KCNJ16: variants seen among roughly 807,000 people sequenced by gnomAD.
KCNJ16 encodes inward rectifier potassium channel 16.
Under a neutral mutation model 18.5 loss-of-function variants are expected in KCNJ16, and 15 were observed. The ratio of observed to expected loss-of-function variants is 0.81; its 90% CI spans 0.54 to 1.25. KCNJ16 has a LOEUF of 1.25. Among genes scored for constraint, KCNJ16 ranks in the 50% most tolerant of loss-of-function variants. KCNJ16 has a pLI of 0.00. For synonymous variants in KCNJ16, 174 were observed against 186.5 expected (o/e 0.93, Z 0.55); for missense variants, 523 against 525.7 (o/e 0.99, Z 0.05).
Position 70,135,454 on chromosome 17 carries a change from A to T in KCNJ16, c.*2110A>T, listed in dbSNP as rs182164282. On this transcript the variant is annotated 3_prime_UTR_variant, in exon 4 of 4. Transcript: ENST00000392671. Reference sequence around the variant, plus strand: ...CCCGTGAAATACATTTTGTTGTGCTATGAGCCTCTGTAATCAAATGCTTGT... The same window carrying T: ...CCCGTGAAATACATTTTGTTGTGCTTTGAGCCTCTGTAATCAAATGCTTGT... 3.0e-5 allele frequency: 5 copies of T among 167,168 alleles called. No homozygotes were observed. The East Asian group carries it at 9.6e-4, about 32-fold the overall frequency. 10.4% of individuals were successfully genotyped at this position (167,168 alleles called of 1,614,324 possible). A position where few individuals can be genotyped will look rare whatever the true frequency, so the allele number is the denominator to read the frequency against.
chr17:70,095,870 C>CTTTTTTT (rs147216245), intron 1 of KCNJ16, among the ~76,000 whole-genome samples: 4 of 95,390 alleles, frequency 4.2e-5, no homozygotes, highest in Admixed American at 1.3e-4. Context: ...TTACTTAATC[C>CTTTTTTT]TTTTTTTTTT....
chr17:70,122,787 T>C (rs756511773), intron 2 of KCNJ16, among the ~76,000 whole-genome samples: 1 of 152,188 alleles, frequency 6.6e-6, no homozygotes, highest in East Asian at 1.9e-4. Flanking sequence ...TTCCCTTAAA[T>C]AACAGGAGTC....
At chr17:70,114,048 T>C (rs1480617481) in intron 2 of KCNJ16, among the ~76,000 whole-genome samples, 1 of 152,136 alleles carries the variant, frequency 6.6e-6, no homozygotes, top group East Asian at 1.9e-4. Context: ...CCTAGGAAGA[T>C]CTTTTGTCTT....
At chr17:70,096,357 C>T (rs1178567091) in intron 1 of KCNJ16, among the ~76,000 whole-genome samples, 1 of 152,124 alleles carries the variant, frequency 6.6e-6, no homozygotes, top group South Asian at 2.1e-4. Flanking sequence ...TGCCCTTATT[C>T]ACTGAGAAAT....
At chr17:70,076,738 C>G (rs968231) in intron 1 of KCNJ16, among the ~76,000 whole-genome samples, 130,152 of 152,222 alleles carry the variant, frequency 0.86, 55,756 homozygotes, top group East Asian at 0.99. Flanking sequence ...GTGGTGAGTA[C>G]AAGCTAAGAC....
At chr17:70,090,496 T>A (rs1051682579) in intron 1 of KCNJ16, among the ~76,000 whole-genome samples, 5 of 152,238 alleles carry the variant, frequency 3.3e-5, no homozygotes, top group Non-Finnish European at 7.3e-5. Context: ...ACTTACAGAA[T>A]GTGTTGCCAA....
chr17:70,106,462 G>C (rs2143927752), intron 2 of KCNJ16, among the ~76,000 whole-genome samples: 1 of 152,256 alleles, frequency 6.6e-6, no homozygotes, highest in African/African-American at 2.4e-5. Flanking sequence ...ATTTTAGAGA[G>C]GAGAGAAACT....
intron 2 of KCNJ16, among the ~76,000 whole-genome samples, chr17:70,104,143 T>C (rs2072802800): frequency 6.6e-6 from 1 of 151,976 alleles, no homozygotes; most frequent in African/African-American, 2.4e-5. Flanking sequence ...ATTTTTTATT[T>C]TTAGTAGAGA....
At chr17:70,115,728 C>G (rs779065404) in intron 2 of KCNJ16, among the ~76,000 whole-genome samples, 7 of 152,118 alleles carry the variant, frequency 4.6e-5, no homozygotes, top group Non-Finnish European at 7.4e-5. Flanking sequence ...TCTCCAATTG[C>G]TCTCCAGTGG....
chr17:70,093,751 T>C (rs1320983727), intron 1 of KCNJ16, among the ~76,000 whole-genome samples: 2 of 152,152 alleles, frequency 1.3e-5, no homozygotes, highest in South Asian at 2.1e-4. Context: ...TAGTTTCTTA[T>C]GGCCATTATT....
chr17:70,133,644 G>A lies in KCNJ16; in HGVS notation c.*300G>A, dbSNP rs1028961891. 1.2e-5 allele frequency: 3 copies of A among 243,384 alleles called. No homozygotes were observed. Among genetic ancestry groups the A allele is most frequent in the South Asian group, 1.4e-4 (1 of 7,378 alleles). The allele number at this position is 243,384 out of a possible 1,614,324, so 15.1% of individuals were successfully genotyped here. A position where few individuals can be genotyped will look rare whatever the true frequency, so the allele number is the denominator to read the frequency against. ...GTTGGAGGTGTAGTATTCAAAAACG[G>A]GGAATGAAGGCAGGAAGGAGGCTGG... On this transcript the variant is annotated 3_prime_UTR_variant, in exon 4 of 4. Transcript: ENST00000392671.
At chr17:70,089,809 TCTGA>T (rs1425517713) in intron 1 of KCNJ16, among the ~76,000 whole-genome samples, 1 of 152,230 alleles carries the variant, frequency 6.6e-6, no homozygotes, top group Non-Finnish European at 1.5e-5. Flanking sequence ...AACACACACC[TCTGA>T]CTAACTCTGT....
chr17:70,083,612 G>T (rs535582619), intron 1 of KCNJ16, among the ~76,000 whole-genome samples: 2 of 152,072 alleles, frequency 1.3e-5, no homozygotes, highest in Admixed American at 1.3e-4. Context: ...TACAGCCTAG[G>T]TGTGTAGTAG....
intron 2 of KCNJ16, among the ~76,000 whole-genome samples, chr17:70,124,226 T>C (rs1012794178): frequency 6.6e-6 from 1 of 152,198 alleles, no homozygotes; most frequent in Non-Finnish European, 1.5e-5. Context: ...GGTTCAATAG[T>C]AACCTCCCTC....
chr17:70,090,493 G>A (rs1005687362), intron 1 of KCNJ16, among the ~76,000 whole-genome samples: 6 of 152,180 alleles, frequency 3.9e-5, no homozygotes, highest in African/African-American at 1.4e-4. Context: ...CCTACTTACA[G>A]AATGTGTTGC....
intron 2 of KCNJ16, among the ~76,000 whole-genome samples, chr17:70,118,314 C>T (rs967678970): frequency 1.2e-4 from 18 of 151,856 alleles, no homozygotes; most frequent in African/African-American, 1.9e-4. Flanking sequence ...ATGTAGATTA[C>T]GGGTTCATGG....
At chr17:70,090,878 G>T (rs1157840228) in intron 1 of KCNJ16, among the ~76,000 whole-genome samples, 1 of 152,196 alleles carries the variant, frequency 6.6e-6, no homozygotes, top group African/African-American at 2.4e-5. Flanking sequence ...ACATTGTCCA[G>T]AAGTATTCTT....
At position 70,134,181 on chromosome 17, in the gene KCNJ16, A is replaced by G. The variant is rs931836001; in HGVS notation, c.*837A>G. 16 of 166,994 alleles carry G rather than the reference A, an allele frequency of 9.6e-5. No individual in the cohort carries two copies. The highest frequency in any genetic ancestry group is 3.9e-4 in the African/African-American group (16 of 41,500). The allele number at this position is 166,994 out of a possible 1,614,324, so 10.3% of individuals were successfully genotyped here. A position where few individuals can be genotyped will look rare whatever the true frequency, so the allele number is the denominator to read the frequency against. On this transcript the variant is annotated 3_prime_UTR_variant, in exon 4 of 4. Transcript: ENST00000392671. ...ATGACCAAGGGACAGGATCATACAG[A>G]TGAGGTGAGGGGATGGTTAGCAGCG...
chr17:70,121,374 T>G (rs1034643244), intron 2 of KCNJ16, among the ~76,000 whole-genome samples: 1 of 152,146 alleles, frequency 6.6e-6, no homozygotes, highest in Non-Finnish European at 1.5e-5. Flanking sequence ...CAATAAAACT[T>G]CATTTACAGA....
Sources: allele counts gnomAD v4.1 joint callset (sites outside exome capture counted in the v4.1 genomes callset), GRCh38; gene constraint gnomAD v4.1.1; transcripts MANE v1.5; gene names NCBI Gene and HGNC (gene_info 2026-07-23, HGNC 2026-07-21).